DCAF17: variants seen among roughly 807,000 people sequenced by gnomAD.
The protein encoded by DCAF17 is DDB1- and CUL4-associated factor 17.
A neutral mutation model predicts 66.0 loss-of-function variants in DCAF17; 48 were observed. That is an observed-to-expected ratio of 0.73 (90% CI 0.58 to 0.92). DCAF17 has a LOEUF of 0.92. Among genes scored for constraint, DCAF17 ranks in the 40% least tolerant of loss-of-function variants. The pLI is 0.00. For synonymous variants in DCAF17, 206 were observed against 214.6 expected, an observed-to-expected ratio of 0.96 and a Z score of 0.35; for missense variants, 562 against 622.8, an observed-to-expected ratio of 0.90 and a Z score of 1.04.
Position 171,481,216 on chromosome 2 carries a change from C to A in DCAF17, c.*102C>A. Reference sequence around the variant, plus strand: ...TGCATGGCACATTCTCCAGTATTTTCCAAAAAAGTCTTGTGTTGACTTCAG... The same window carrying A: ...TGCATGGCACATTCTCCAGTATTTTACAAAAAAGTCTTGTGTTGACTTCAG... On this transcript the variant is annotated 3_prime_UTR_variant, in exon 14 of 14. Transcript: ENST00000375255. 1 of 1,491,154 alleles carries A rather than the reference C, an allele frequency of 6.7e-7. No individual in the cohort carries two copies. Among genetic ancestry groups the A allele is most frequent in the Non-Finnish European group, 9.3e-7 (1 of 1,073,572 alleles). 92.4% of individuals were successfully genotyped at this position (1,491,154 alleles called of 1,614,324 possible). A position where few individuals can be genotyped will look rare whatever the true frequency, so the allele number is the denominator to read the frequency against.
intron 9 of DCAF17, among the ~76,000 whole-genome samples, chr2:171,469,459 A>G (rs1421346729): frequency 2.0e-5 from 3 of 152,214 alleles, no homozygotes; most frequent in African/African-American, 7.2e-5. Flanking sequence ...CAGTGTAGGT[A>G]AATTGAAGCA....
intron 6 of DCAF17, 54 bp from the exon 7 acceptor site, chr2:171,457,917 G>A: frequency 7.4e-7 from 1 of 1,353,504 alleles, no homozygotes; most frequent in Non-Finnish European, 1.1e-6. Flanking sequence ...TGAACATTCA[G>A]AGGATTGGAC....
intron 2 of DCAF17, among the ~76,000 whole-genome samples, chr2:171,442,840 A>G (rs914625898): frequency 1.3e-5 from 2 of 152,178 alleles, no homozygotes; most frequent in South Asian, 2.1e-4. Flanking sequence ...AGATCATGCC[A>G]TTGCACTCCA....
Position 171,483,933 on chromosome 2 carries a change from T to C in DCAF17, c.*2819T>C, listed in dbSNP as rs1315469944. ...GTTCTCAAAAGGCAAGGCATGTTATTTTATCCCAATTTAGCATACCAACAA... is the reference window on the plus strand; with the variant it reads ...GTTCTCAAAAGGCAAGGCATGTTATCTTATCCCAATTTAGCATACCAACAA... On this transcript the variant is annotated 3_prime_UTR_variant, in exon 14 of 14. Coordinates refer to ENST00000375255, the MANE Select transcript of DCAF17 (RefSeq NM_025000.4). 2 of 454,056 alleles carry C rather than the reference T, an allele frequency of 4.4e-6. No individual in the cohort carries two copies. The allele number at this position is 454,056 out of a possible 1,614,324, so 28.1% of individuals were successfully genotyped here.
At chr2:171,453,759 A>G (rs1273573837) in intron 6 of DCAF17, among the ~76,000 whole-genome samples, 1 of 151,992 alleles carries the variant, frequency 6.6e-6, no homozygotes, top group Non-Finnish European at 1.5e-5. Flanking sequence ...ATAGGATTCT[A>G]CTTTAAAAAA....
In DCAF17 at chr2:171,473,969, A is replaced by G; in HGVS notation, c.1085A>G (p.Gln362Arg). 2 of 1,612,178 alleles carry G rather than the reference A, an allele frequency of 1.2e-6. No homozygotes were observed. Among genetic ancestry groups the G allele is most frequent in the South Asian group, 2.2e-5 (2 of 91,008 alleles). The change falls in exon 10 of 14, where the codon CAA becomes CGA. Residue 362 changes from glutamine to arginine, a missense_variant. Physicochemically the swap from Gln to Arg is conservative, Grantham distance 43. Coordinates refer to ENST00000375255, the MANE Select transcript of DCAF17 (RefSeq NM_025000.4). ...SGRIIHVGPN[Q>R]VKVLKLTEIE... The stretch of plus-strand genomic sequence containing the variant: ...AGAATAATACATGTTGGTCCAAATC[A>G]AGTCAAGTGAGTAATCTCATTAGCA...
intron 2 of DCAF17, among the ~76,000 whole-genome samples, chr2:171,435,806 A>G (rs1483780068): frequency 6.6e-6 from 1 of 152,192 alleles, no homozygotes; most frequent in Non-Finnish European, 1.5e-5. Flanking sequence ...TTTTAAAAAA[A>G]TGAGCTTTTT....
chr2:171,437,634 T>C (rs1694050877), intron 2 of DCAF17, among the ~76,000 whole-genome samples: 1 of 152,256 alleles, frequency 6.6e-6, no homozygotes, highest in Admixed American at 6.5e-5. Flanking sequence ...CTAATTCTCC[T>C]TGGGTAAATT....
At chr2:171,472,407 G>A (rs1363051811) in intron 9 of DCAF17, among the ~76,000 whole-genome samples, 1 of 152,172 alleles carries the variant, frequency 6.6e-6, no homozygotes, top group Non-Finnish European at 1.5e-5. Flanking sequence ...TCAAACTCCT[G>A]ACCTCAAGTG....
intron 10 of DCAF17, among the ~76,000 whole-genome samples, chr2:171,475,654 T>G (rs1383310810): frequency 6.6e-6 from 1 of 152,128 alleles, no homozygotes; most frequent in Non-Finnish European, 1.5e-5. Flanking sequence ...TCTTAGCTCC[T>G]CAGGAGTCTG....
chr2:171,440,422 A>T (rs900211772), intron 2 of DCAF17, among the ~76,000 whole-genome samples: 1 of 152,128 alleles, frequency 6.6e-6, no homozygotes, highest in African/African-American at 2.4e-5. Flanking sequence ...AAAAAATATC[A>T]ACATTAGCTG....
In DCAF17 at chr2:171,448,668, T is replaced by TC; in HGVS notation, c.322-13_322-12insC. The TC allele has an allele frequency of 1.1e-6, 1 of 888,244 alleles. No individual in the cohort carries two copies. The highest frequency in any genetic ancestry group is 1.6e-6 in the Non-Finnish European group (1 of 628,812). The allele number at this position is 888,244 out of a possible 1,614,324, so 55.0% of individuals were successfully genotyped here. Reference sequence around the variant, plus strand: ...AAGCAGTTTCATTTTTATATCTCTCTTTTTTTTTTTAGGGAGATATACTTC... The same window carrying TC: ...AAGCAGTTTCATTTTTATATCTCTCTCTTTTTTTTTTAGGGAGATATACTTC... On this transcript the variant is annotated splice_polypyrimidine_tract_variant and intron_variant, in intron 3 of 13. Transcript: ENST00000375255.
chr2:171,463,224 T>A (rs4404241), intron 8 of DCAF17, among the ~76,000 whole-genome samples: 47,199 of 137,586 alleles, frequency 0.34, 7,801 homozygotes, highest in Admixed American at 0.39. Flanking sequence ...AGCGAGATTT[T>A]AAAAAAAAAA....
In DCAF17 at chr2:171,484,277, A is replaced by G. The variant is rs1445089159; in HGVS notation, c.*3163A>G. 1 of 443,166 alleles carries G rather than the reference A, an allele frequency of 2.3e-6. No homozygotes were observed. The highest frequency in any genetic ancestry group is 1.6e-5 in the South Asian group (1 of 60,982). 27.5% of individuals were successfully genotyped at this position (443,166 alleles called of 1,614,324 possible). A position where few individuals can be genotyped will look rare whatever the true frequency, so the allele number is the denominator to read the frequency against. On this transcript the variant is annotated 3_prime_UTR_variant, in exon 14 of 14. Transcript: ENST00000375255. Reference sequence around the variant, plus strand: ...ATTTCTGGTCCCTGTGTTGCTATCAAATCTGTATCTTGCAGAAAGAATAAT... The same window carrying G: ...ATTTCTGGTCCCTGTGTTGCTATCAGATCTGTATCTTGCAGAAAGAATAAT...
At chr2:171,469,179 C>A in intron 9 of DCAF17, 149 bp downstream of exon 9, 1 of 874,060 alleles carries the variant, frequency 1.1e-6, no homozygotes, top group Non-Finnish European at 1.8e-6. Context: ...AGAATACAGA[C>A]AATATAGAAA....
intron 11 of DCAF17, among the ~76,000 whole-genome samples, chr2:171,477,288 A>G (rs563032683): frequency 3.9e-5 from 6 of 152,336 alleles, no homozygotes; most frequent in African/African-American, 1.4e-4. Flanking sequence ...ATCACATACC[A>G]TACTTTAACT....
intron 12 of DCAF17, among the ~76,000 whole-genome samples, chr2:171,478,947 G>A (rs1696622760): frequency 6.6e-6 from 1 of 152,056 alleles, no homozygotes; most frequent in Non-Finnish European, 1.5e-5. Context: ...GAGAGGTGGT[G>A]GCAAAACAGG....
At position 171,484,402 on chromosome 2, in the gene DCAF17, A is replaced by G. The variant is rs1217153824; in HGVS notation, c.*3288A>G. On this transcript the variant is annotated 3_prime_UTR_variant, in exon 14 of 14. Transcript: ENST00000375255. ...AATGTTCAAACATACAGTAAAATTG[A>G]AAGAATTTTATAGTAAATACTGACC... The G allele has an allele frequency of 2.6e-6, 1 of 391,586 alleles. No homozygotes were observed. Among genetic ancestry groups the G allele is most frequent in the Non-Finnish European group, 4.9e-6 (1 of 202,904 alleles). The allele number at this position is 391,586 out of a possible 1,614,324, so 24.3% of individuals were successfully genotyped here. A position where few individuals can be genotyped will look rare whatever the true frequency, so the allele number is the denominator to read the frequency against.
At chr2:171,454,062 C>CA (rs1695104210) in intron 6 of DCAF17, among the ~76,000 whole-genome samples, 1 of 151,956 alleles carries the variant, frequency 6.6e-6, no homozygotes, top group African/African-American at 2.4e-5. Flanking sequence ...CCCAGCTACT[C>CA]AGAAGGCTGA....
Sources: gnomAD v4.1 joint callset for allele counts (sites outside exome capture counted in the v4.1 genomes callset) on GRCh38, gnomAD v4.1.1 for gene constraint, MANE v1.5 for transcripts, NCBI Gene and HGNC (gene_info 2026-07-23, HGNC 2026-07-21) for gene names.